DSCAML1: variants seen among roughly 807,000 people sequenced by gnomAD.
DSCAML1 encodes cell adhesion molecule DSCAML1.
Under a neutral mutation model 200.5 loss-of-function variants are expected in DSCAML1, and 38 were observed. The ratio of observed to expected loss-of-function variants is 0.19; its 90% CI spans 0.15 to 0.25. The LOEUF (loss-of-function observed/expected upper bound fraction) is 0.25. DSCAML1 is among the 10% of genes least tolerant of loss of function. DSCAML1 has a pLI of 1.00. For synonymous variants in DSCAML1, 1,215 were observed against 1,165.0 expected (o/e 1.04, Z -0.87); for missense variants, 2,223 against 2,858.8 (o/e 0.78, Z 5.07).
At position 117,642,757 on chromosome 11, in the gene DSCAML1, T is replaced by C. The variant is rs980112054; in HGVS notation, c.512-110235A>G. ...GACTGGCGGGGCTGAGAAACACCCC[T>C]GGTGATTCCCATCTCACTCTTGGAT... On this transcript the variant is annotated intron_variant, in intron 3 of 32. Transcript: ENST00000651296. This position sits in a 1 kb window ranked among gnomAD's most constrained non-coding sequence, Gnocchi z 4.1. 6.6e-6 allele frequency among the ~76,000 whole-genome samples: 1 copy of C among 152,178 alleles called. No homozygotes were observed. Among genetic ancestry groups the C allele is most frequent in the Non-Finnish European group, 1.5e-5 (1 of 68,020 alleles).
chr11:117,559,386 C>A (rs528752929), intron 3 of DSCAML1, among the ~76,000 whole-genome samples: 97 of 152,270 alleles, frequency 6.4e-4, no homozygotes, highest in African/African-American at 2.3e-3. Context: ...CTTTCGTAAC[C>A]AACTGCAAAT....
In DSCAML1 at chr11:117,521,137, T is replaced by G; in HGVS notation, c.1206A>C (p.Ala402=). The G allele has an allele frequency of 6.2e-7, 1 of 1,612,196 alleles. No individual in the cohort carries two copies. The highest frequency in any genetic ancestry group is 8.5e-7 in the Non-Finnish European group (1 of 1,178,478). ...CCTGGCGCCCCAGCTCACCCTCAAG[T>G]GCAATGATGGCAAAGTCCTGGGCGG... is the stretch of plus-strand genomic sequence containing the variant. ...AQTAQDFAII[A]LEDGTPRIVS... is the part of the protein sequence containing the mutation. The change falls in exon 6 of 33, where the codon GCA becomes GCC. Residue 402 remains alanine, a synonymous_variant. Coordinates refer to ENST00000651296, the MANE Select transcript of DSCAML1 (RefSeq NM_020693.4).
chr11:117,528,925 GC>G (rs1269287923), intron 4 of DSCAML1, among the ~76,000 whole-genome samples: 1 of 144,030 alleles, frequency 6.9e-6, no homozygotes, highest in Non-Finnish European at 1.5e-5. Context: ...GAAAGTTGCC[GC>G]CCCCCGCCCC....
chr11:117,727,085 A>G (rs2054144995), intron 3 of DSCAML1, among the ~76,000 whole-genome samples: 1 of 152,142 alleles, frequency 6.6e-6, no homozygotes, highest in Non-Finnish European at 1.5e-5. Flanking sequence ...TTCTAGCAAA[A>G]CTTTATTAAG....
At chr11:117,731,170 T>TA (rs368923427) in intron 3 of DSCAML1, among the ~76,000 whole-genome samples, 1,753 of 149,932 alleles carry the variant, frequency 0.012, 28 homozygotes, top group African/African-American at 0.039. Flanking sequence ...AAGCTGCTAC[T>TA]AAAAAAAAAA....
chr11:117,623,787 T>C (rs2051988048), intron 3 of DSCAML1, among the ~76,000 whole-genome samples: 1 of 152,228 alleles, frequency 6.6e-6, no homozygotes, highest in Non-Finnish European at 1.5e-5. Context: ...ATTGTTAACC[T>C]CATCTCCCAA....
At chr11:117,447,092 C>T (rs139972507) in intron 20 of DSCAML1, among the ~76,000 whole-genome samples, 1,974 of 152,234 alleles carry the variant, frequency 0.013, 50 homozygotes, top group African/African-American at 0.045. Flanking sequence ...AGTTCGAGAC[C>T]AGCCTGGCCA....
chr11:117,669,954 A>G (rs2053069315), intron 3 of DSCAML1, among the ~76,000 whole-genome samples: 1 of 152,266 alleles, frequency 6.6e-6, no homozygotes, highest in South Asian at 2.1e-4. Flanking sequence ...AATGTCAAGC[A>G]AGAGCTGATG....
At position 117,437,361 on chromosome 11, in the gene DSCAML1, G is replaced by A. The variant is rs146201403; in HGVS notation, c.4481C>T (p.Thr1494Met). The A allele has an allele frequency of 9.9e-6, 16 of 1,614,104 alleles. No individual in the cohort carries two copies. The highest frequency in any genetic ancestry group is 8.0e-5 in the African/African-American group (6 of 74,938). Residue 1494 changes from threonine to methionine, a missense_variant, in exon 26 of 33, where the codon ACG becomes ATG. This residue lies in a region of DSCAML1 where 614 missense variants were observed against 739.1 expected (regional missense o/e 0.83). Transcript: ENST00000651296. This position sits in a 1 kb window ranked among gnomAD's most constrained non-coding sequence, Gnocchi z 5.3. ...DQHLFTHINS[T>M]HARLNLQGWN... Reference sequence around the variant, plus strand: ...GCCCTGCAGGTTAAGCCGAGCATGCGTGGAGTTGATGTGGGTGAAGAGGTG... The same window carrying A: ...GCCCTGCAGGTTAAGCCGAGCATGCATGGAGTTGATGTGGGTGAAGAGGTG...
intron 1 of DSCAML1, among the ~76,000 whole-genome samples, chr11:117,791,020 G>A (rs1274836431): frequency 6.6e-6 from 1 of 152,230 alleles, no homozygotes; most frequent in Non-Finnish European, 1.5e-5. Context: ...AGGGCACAGG[G>A]AGTGGGGCAG....
intron 3 of DSCAML1, among the ~76,000 whole-genome samples, chr11:117,603,998 C>G (rs1229980969): frequency 6.6e-6 from 1 of 152,232 alleles, no homozygotes; most frequent in Non-Finnish European, 1.5e-5. Context: ...GGGCAGACGA[C>G]TTGGCCAGGG....
intron 3 of DSCAML1, among the ~76,000 whole-genome samples, chr11:117,593,199 T>C (rs35314805): frequency 0.27 from 41,437 of 152,170 alleles, 7,010 homozygotes; most frequent in Non-Finnish European, 0.37. Context: ...CACACAGCGA[T>C]GCTTCAGGGT....
At chr11:117,550,170 C>T (rs745691823) in intron 3 of DSCAML1, among the ~76,000 whole-genome samples, 16 of 152,252 alleles carry the variant, frequency 1.1e-4, no homozygotes, top group African/African-American at 3.1e-4. Flanking sequence ...ATTAAGAGGA[C>T]GTACCTCTTA....
At chr11:117,554,941 C>T (rs191478687) in intron 3 of DSCAML1, among the ~76,000 whole-genome samples, 1 of 152,180 alleles carries the variant, frequency 6.6e-6, no homozygotes, top group Non-Finnish European at 1.5e-5. Flanking sequence ...CAAACTCATC[C>T]CCTCTGACTG....
chr11:117,528,242 T>C (rs1417092496), intron 4 of DSCAML1, among the ~76,000 whole-genome samples: 2 of 152,096 alleles, frequency 1.3e-5, no homozygotes, highest in Non-Finnish European at 2.9e-5. Flanking sequence ...TGACACTTAA[T>C]TGATGCAAAA....
At chr11:117,683,113 C>A (rs1349850774) in intron 3 of DSCAML1, among the ~76,000 whole-genome samples, 5 of 152,106 alleles carry the variant, frequency 3.3e-5, no homozygotes, top group Non-Finnish European at 5.9e-5. Flanking sequence ...ATTGAACAAC[C>A]ACTGTTATTT....
Position 117,797,016 on chromosome 11 carries a change from C to T in DSCAML1, c.46+18G>A, listed in dbSNP as rs768182786. 1.4e-6 allele frequency: 2 copies of T among 1,431,016 alleles called. No homozygotes were observed. Among genetic ancestry groups the T allele is most frequent in the Non-Finnish European group, 9.2e-7 (1 of 1,084,384 alleles). 88.6% of individuals were successfully genotyped at this position (1,431,016 alleles called of 1,614,324 possible). A position where few individuals can be genotyped will look rare whatever the true frequency, so the allele number is the denominator to read the frequency against. On this transcript the variant is annotated intron_variant, in intron 1 of 32. Transcript: ENST00000651296. ...GGCCCCGCCGCCTCCGCCGCCCAGC[C>T]GCCCGCGCAGGTCTCACCTTTGTGT...
chr11:117,558,749 C>T (rs965673170), intron 3 of DSCAML1, among the ~76,000 whole-genome samples: 2 of 152,176 alleles, frequency 1.3e-5, no homozygotes, highest in African/African-American at 4.8e-5. Context: ...TAAGGGCTTA[C>T]AACTCTAAGG....
intron 3 of DSCAML1, among the ~76,000 whole-genome samples, chr11:117,680,507 G>A (rs79700393): frequency 0.034 from 5,142 of 152,324 alleles, 124 homozygotes; most frequent in Middle Eastern, 0.051. Context: ...CTCTCCAAAG[G>A]AAGGCATGGA....
Sources: gnomAD v4.1 joint callset for allele counts (sites outside exome capture counted in the v4.1 genomes callset) on GRCh38, gnomAD v4.1.1 for gene constraint, gnomAD v4.1.1 regional missense constraint, Gnocchi (gnomAD v3.1) non-coding constraint, MANE v1.5 for transcripts, NCBI Gene and HGNC (gene_info 2026-07-23, HGNC 2026-07-21) for gene names.